The following SLC30A8 variants were observed in gnomAD, a reference collection of about 807,000 sequenced individuals.
SLC30A8 encodes proton-coupled zinc antiporter SLC30A8.
Under a neutral mutation model 36.9 loss-of-function variants are expected in SLC30A8, and 27 were observed. That is an observed-to-expected ratio of 0.73 (90% CI 0.54 to 1.01). The LOEUF (loss-of-function observed/expected upper bound fraction) is 1.01, where lower values mean the gene tolerates loss of function less well. Among genes scored for constraint, SLC30A8 ranks in the 50% least tolerant of loss-of-function variants. SLC30A8 has a pLI of 0.00. For synonymous variants in SLC30A8, 164 were observed against 172.4 expected (o/e 0.95, Z 0.38); for missense variants, 439 against 452.0 (o/e 0.97, Z 0.26).
At chr8:117,070,278 G>A (rs966690051) in intron 2 of SLC30A8, among the ~76,000 whole-genome samples, 3 of 152,144 alleles carry the variant, frequency 2.0e-5, no homozygotes, top group Admixed American at 6.5e-5. Flanking sequence ...TTGCACATGG[G>A]GCTGCATTCA....
At chr8:116,970,121 T>A (rs61061603) in intron 1 of SLC30A8, among the ~76,000 whole-genome samples, 2,218 of 152,204 alleles carry the variant, frequency 0.015, 62 homozygotes, top group African/African-American at 0.05. Flanking sequence ...TTCTATAATT[T>A]TTTTTCTATC....
intron 1 of SLC30A8, among the ~76,000 whole-genome samples, chr8:117,031,863 C>G (rs531804841): frequency 6.6e-6 from 1 of 152,166 alleles, no homozygotes; most frequent in African/African-American, 2.4e-5. Context: ...CCGAAGGACT[C>G]TCATTGTTGG....
chr8:117,162,918 T>C (rs4876371), intron 5 of SLC30A8, among the ~76,000 whole-genome samples: 32,403 of 152,160 alleles, frequency 0.21, 3,563 homozygotes, highest in East Asian at 0.27. Context: ...GATGCCAGCC[T>C]TGAGTATGTG....
At chr8:117,122,408 A>C (rs1820728255) in intron 2 of SLC30A8, among the ~76,000 whole-genome samples, 1 of 152,026 alleles carries the variant, frequency 6.6e-6, no homozygotes, top group Non-Finnish European at 1.5e-5. Flanking sequence ...TTTACACATA[A>C]GGAAACTGAT....
intron 1 of SLC30A8, among the ~76,000 whole-genome samples, chr8:116,966,666 A>G (rs2130606408): frequency 1.3e-5 from 2 of 152,342 alleles, no homozygotes; most frequent in South Asian, 4.1e-4. Context: ...GAATTTGCCC[A>G]CAGAAAACCT....
At chr8:117,031,775 A>C (rs750433761) in intron 1 of SLC30A8, among the ~76,000 whole-genome samples, 5 of 152,106 alleles carry the variant, frequency 3.3e-5, no homozygotes, top group Non-Finnish European at 7.4e-5. Context: ...AAATCTTCTT[A>C]ATAATGCCCC....
intron 2 of SLC30A8, among the ~76,000 whole-genome samples, chr8:117,056,864 G>A (rs1487249100): frequency 6.6e-6 from 1 of 152,158 alleles, no homozygotes; most frequent in African/African-American, 2.4e-5. Context: ...AGGCATTGCT[G>A]TAGAGTGATG....
intron 1 of SLC30A8, among the ~76,000 whole-genome samples, chr8:116,976,870 G>C (rs1815048316): frequency 7.2e-6 from 1 of 138,300 alleles, no homozygotes; most frequent in Non-Finnish European, 1.5e-5. Context: ...AGGCTGGAGT[G>C]CAGTGGCACG....
chr8:117,043,242 T>C (rs1215700797), intron 2 of SLC30A8, among the ~76,000 whole-genome samples: 1 of 152,226 alleles, frequency 6.6e-6, no homozygotes. Flanking sequence ...CTAGAGCTTA[T>C]CAAGTTGTGA....
chr8:117,006,991 A>G (rs557274500), intron 1 of SLC30A8: 34 of 93,608 alleles, frequency 3.6e-4, no homozygotes, highest in African/African-American at 1.4e-3. Flanking sequence ...TTTTCTGTAG[A>G]GACAGCATTT....
At chr8:117,049,735 G>C (rs1817653134) in intron 2 of SLC30A8, among the ~76,000 whole-genome samples, 1 of 152,120 alleles carries the variant, frequency 6.6e-6, no homozygotes, top group Middle Eastern at 3.2e-3. Flanking sequence ...GAATAAGCAA[G>C]AGCCCCCTGG....
chr8:117,167,731 CAAT>C (rs1217173352), intron 6 of SLC30A8, among the ~76,000 whole-genome samples: 16 of 151,852 alleles, frequency 1.1e-4, no homozygotes, highest in African/African-American at 3.2e-4. Flanking sequence ...TTACTATAAA[CAAT>C]GATGTAATTA....
intron 1 of SLC30A8, among the ~76,000 whole-genome samples, chr8:116,991,287 C>T (rs146927807): frequency 1.1e-3 from 164 of 151,934 alleles, no homozygotes; most frequent in Admixed American, 3.0e-3. Flanking sequence ...ATATTCCAAA[C>T]TATTTTACCT....
At chr8:117,120,344 T>C (rs1187403454) in intron 2 of SLC30A8, among the ~76,000 whole-genome samples, 1 of 151,764 alleles carries the variant, frequency 6.6e-6, no homozygotes, top group Admixed American at 6.6e-5. Context: ...TTTGACAAGG[T>C]TGCCAAAAAT....
At chr8:117,134,399 T>C (rs551251846), upstream of SLC30A8, among the ~76,000 whole-genome samples, 2 of 152,162 alleles carry the variant, frequency 1.3e-5, no homozygotes, top group South Asian at 2.1e-4. Context: ...TTGTCCAGGC[T>C]CTTGCCATAA....
At chr8:117,078,376 AC>A (rs1379315212) in intron 2 of SLC30A8, among the ~76,000 whole-genome samples, 1 of 152,150 alleles carries the variant, frequency 6.6e-6, no homozygotes, top group Non-Finnish European at 1.5e-5. Context: ...TTTTCACAAA[AC>A]CCTATGAGAT....
intron 2 of SLC30A8, among the ~76,000 whole-genome samples, chr8:117,054,246 G>A (rs1443526785): frequency 3.9e-5 from 6 of 152,054 alleles, no homozygotes; most frequent in African/African-American, 1.4e-4. Context: ...CGACAGGCGT[G>A]TGGTACCGCA....
chr8:117,086,722 A>G (rs1212990207), intron 2 of SLC30A8, among the ~76,000 whole-genome samples: 1 of 152,172 alleles, frequency 6.6e-6, no homozygotes, highest in Non-Finnish European at 1.5e-5. Context: ...ACACAGTTCA[A>G]ATTTCTATTT....
chr8:117,156,660 C>T (rs946358316), intron 3 of SLC30A8, among the ~76,000 whole-genome samples: 6 of 152,144 alleles, frequency 3.9e-5, no homozygotes, highest in African/African-American at 1.4e-4. Flanking sequence ...ACAAAATAAA[C>T]TAGCACATCA....
Sources: gnomAD v4.1 joint callset for allele counts (sites outside exome capture counted in the v4.1 genomes callset) on GRCh38, gnomAD v4.1.1 for gene constraint, MANE v1.5 for transcripts, NCBI Gene and HGNC (gene_info 2026-07-23, HGNC 2026-07-21) for gene names.